The following ARHGAP15 variants were observed in gnomAD, a reference collection of about 807,000 sequenced individuals.
The protein encoded by ARHGAP15 is rho GTPase-activating protein 15.
Under a neutral mutation model 63.7 loss-of-function variants are expected in ARHGAP15, and 51 were observed. The ratio of observed to expected loss-of-function variants is 0.80; its 90% CI spans 0.64 to 1.01. The LOEUF is 1.01. ARHGAP15 is among the 50% of genes least tolerant of loss of function. ARHGAP15 has a pLI of 0.00. For synonymous variants in ARHGAP15, 191 were observed against 193.8 expected (o/e 0.99, Z 0.12); for missense variants, 560 against 564.6 (o/e 0.99, Z 0.08).
intron 6 of ARHGAP15, among the ~76,000 whole-genome samples, chr2:143,257,273 G>A (rs529432126): frequency 5.9e-5 from 9 of 152,094 alleles, no homozygotes; most frequent in African/African-American, 1.9e-4. Flanking sequence ...GCATGCAACC[G>A]GATGACAGTA....
Position 143,465,483 on chromosome 2 carries a change from T to G in ARHGAP15, c.704-21890T>G, listed in dbSNP as rs979958055. 3.3e-5 allele frequency among the ~76,000 whole-genome samples: 5 copies of G among 152,136 alleles called. No homozygotes were observed. The East Asian group carries it at 9.6e-4, about 29-fold the overall frequency. On this transcript the variant is annotated intron_variant, in intron 8 of 13. Transcript: ENST00000295095. ...TATGGGCTATTGAAAATGTAGCAAATCTGCTCACTGAAGGCCTTTACTCTG... is the reference window on the plus strand; with the variant it reads ...TATGGGCTATTGAAAATGTAGCAAAGCTGCTCACTGAAGGCCTTTACTCTG...
chr2:143,469,285 GAATAA>G (rs1691399994), intron 8 of ARHGAP15, among the ~76,000 whole-genome samples: 1 of 152,184 alleles, frequency 6.6e-6, no homozygotes. Flanking sequence ...TAGCATGCTA[GAATAA>G]AGCAGCGCTT....
chr2:143,257,810 A>G (rs1402123939), intron 6 of ARHGAP15, among the ~76,000 whole-genome samples: 5 of 152,258 alleles, frequency 3.3e-5, no homozygotes, highest in East Asian at 1.9e-4. Context: ...AACCACTGCC[A>G]CTGGGGAATT....
At chr2:143,713,207 C>T (rs1341482870) in intron 13 of ARHGAP15, among the ~76,000 whole-genome samples, 2 of 152,030 alleles carry the variant, frequency 1.3e-5, no homozygotes, top group Non-Finnish European at 2.9e-5. Flanking sequence ...GTGGAGAGAC[C>T]TCAGAATCAT....
intron 8 of ARHGAP15, among the ~76,000 whole-genome samples, chr2:143,463,793 C>A (rs1420550405): frequency 6.6e-6 from 1 of 152,110 alleles, no homozygotes; most frequent in Non-Finnish European, 1.5e-5. Flanking sequence ...CTAAAAATTT[C>A]TTCACAGCAC....
chr2:143,672,344 A>G (rs1182194044), intron 12 of ARHGAP15, among the ~76,000 whole-genome samples: 1 of 152,226 alleles, frequency 6.6e-6, no homozygotes, highest in East Asian at 1.9e-4. Flanking sequence ...ATGACAGACA[A>G]AAACCCATAA....
intron 11 of ARHGAP15, among the ~76,000 whole-genome samples, chr2:143,618,833 C>CTT (rs70982875): frequency 0.21 from 31,865 of 148,640 alleles, 4,116 homozygotes; most frequent in Non-Finnish European, 0.31. Flanking sequence ...GGGTAAACTC[C>CTT]TTTTTTTTTT....
intron 9 of ARHGAP15, among the ~76,000 whole-genome samples, chr2:143,517,676 G>A (rs548661022): frequency 1.2e-4 from 18 of 152,194 alleles, no homozygotes; most frequent in Non-Finnish European, 2.5e-4. Flanking sequence ...CATATGTCAA[G>A]TGGAGATATG....
At chr2:143,348,384 C>T (rs1326151057) in intron 6 of ARHGAP15, among the ~76,000 whole-genome samples, 1 of 151,864 alleles carries the variant, frequency 6.6e-6, no homozygotes, top group African/African-American at 2.4e-5. Flanking sequence ...TTCGAAAGTG[C>T]CTTTGTCATT....
At chr2:143,311,880 C>T (rs1309345621) in intron 6 of ARHGAP15, among the ~76,000 whole-genome samples, 2 of 152,088 alleles carry the variant, frequency 1.3e-5, no homozygotes, top group Non-Finnish European at 2.9e-5. Context: ...AAAAACGTGT[C>T]CATTTGCAGA....
chr2:143,597,329 A>G (rs150558756), intron 11 of ARHGAP15, among the ~76,000 whole-genome samples: 8 of 152,288 alleles, frequency 5.3e-5, no homozygotes, highest in African/African-American at 1.7e-4. Context: ...TTTAGGATGC[A>G]TAATATGTAT....
At position 143,347,814 on chromosome 2, in the gene ARHGAP15, A is replaced by AT. The variant is rs11351121; in HGVS notation, c.475-87770dup. ...CCCACCAAGTCCTTTTGACTTCGTG[A>AT]TTTTTTTTTTTTTTTTTGGCACCAT... On this transcript the variant is annotated intron_variant, in intron 6 of 13. Transcript: ENST00000295095. Among the ~76,000 whole-genome samples the AT allele has an allele frequency of 3.8e-3, 533 of 140,468 alleles. 3 individuals carry two copies. The highest frequency in any genetic ancestry group is 0.015 in the Middle Eastern group (4 of 268). 92.2% of individuals were successfully genotyped at this position (140,468 alleles called of 152,430 possible).
chr2:143,639,207 A>T (rs72992560), intron 12 of ARHGAP15, among the ~76,000 whole-genome samples: 128 of 152,282 alleles, frequency 8.4e-4, no homozygotes, highest in African/African-American at 2.8e-3. Context: ...GTTGTTAAAA[A>T]CTACAATGGG....
chr2:143,293,033 A>T (rs946926322), intron 6 of ARHGAP15, among the ~76,000 whole-genome samples: 1 of 152,106 alleles, frequency 6.6e-6, no homozygotes, highest in Non-Finnish European at 1.5e-5. Context: ...ATATAAATGT[A>T]AATTTAAATT....
At chr2:143,661,875 G>T (rs1681807936) in intron 12 of ARHGAP15, among the ~76,000 whole-genome samples, 1 of 152,334 alleles carries the variant, frequency 6.6e-6, no homozygotes, top group Non-Finnish European at 1.5e-5. Context: ...CTTAAAAAAT[G>T]GCGCACCACG....
At chr2:143,448,471 G>T (rs757661052) in intron 8 of ARHGAP15, among the ~76,000 whole-genome samples, 27 of 152,152 alleles carry the variant, frequency 1.8e-4, no homozygotes, top group Non-Finnish European at 3.4e-4. Context: ...GTAAGGAGAT[G>T]AATTCAGAGA....
At chr2:143,467,881 A>T (rs367686635) in intron 8 of ARHGAP15, among the ~76,000 whole-genome samples, 2 of 152,256 alleles carry the variant, frequency 1.3e-5, no homozygotes, top group East Asian at 3.9e-4. Flanking sequence ...CTATATAATC[A>T]TTGTTTCCTT....
At chr2:143,434,182 T>C (rs1351510463) in intron 6 of ARHGAP15, among the ~76,000 whole-genome samples, 1 of 152,124 alleles carries the variant, frequency 6.6e-6, no homozygotes, top group Non-Finnish European at 1.5e-5. Context: ...TGTCAAATTC[T>C]AGTGTGGGCA....
At chr2:143,396,932 G>A (rs1202767910) in intron 6 of ARHGAP15, among the ~76,000 whole-genome samples, 3 of 152,098 alleles carry the variant, frequency 2.0e-5, no homozygotes, top group South Asian at 2.1e-4. Context: ...AACAGTAAAG[G>A]CGATGAGGTA....
Sources: allele counts gnomAD v4.1 joint callset (sites outside exome capture counted in the v4.1 genomes callset), GRCh38; gene constraint gnomAD v4.1.1; transcripts MANE v1.5; gene names NCBI Gene and HGNC (gene_info 2026-07-23, HGNC 2026-07-21).